NECAB1: variants seen among roughly 807,000 people sequenced by gnomAD.
The protein encoded by NECAB1 is N-terminal EF-hand calcium-binding protein 1.
Under a neutral mutation model 57.5 loss-of-function variants are expected in NECAB1, and 29 were observed. That is an observed-to-expected ratio of 0.50 (90% CI 0.38 to 0.69). The LOEUF is 0.69. NECAB1 is among the 30% of genes least tolerant of loss of function. The pLI, the probability that NECAB1 is intolerant of heterozygous loss-of-function variation, is 0.00. For missense variants in NECAB1, 372 were observed against 413.8 expected, an observed-to-expected ratio of 0.90 and a Z score of 0.88; for synonymous variants, 142 against 147.7, an observed-to-expected ratio of 0.96 and a Z score of 0.28.
chr8:90,903,809 G>C (rs182012962), intron 5 of NECAB1: 34 of 152,260 alleles, frequency 2.2e-4, no homozygotes, highest in African/African-American at 7.7e-4. Flanking sequence ...GTGAAAGAGG[G>C]AACACAAAGA....
intron 3 of NECAB1, among the ~76,000 whole-genome samples, chr8:90,829,896 G>GTT (rs1271131419): frequency 6.6e-6 from 1 of 152,064 alleles, no homozygotes; most frequent in Admixed American, 6.6e-5. Flanking sequence ...TTTGAAGACA[G>GTT]TTTTCATGTG....
intron 8 of NECAB1, among the ~76,000 whole-genome samples, chr8:90,931,355 T>C (rs1421108704): frequency 6.6e-6 from 1 of 152,338 alleles, no homozygotes; most frequent in East Asian, 1.9e-4. Context: ...TTGTTAACAC[T>C]AGTTTTGATC....
At position 90,791,980 on chromosome 8, in the gene NECAB1, C is replaced by G; in HGVS notation, c.94C>G (p.Leu32Val). Residue 32 changes from leucine to valine, a missense_variant, in exon 1 of 13, where the codon CTC becomes GTC. Leu to Val is a conservative substitution (Grantham distance 32, BLOSUM62 1). Coordinates refer to ENST00000417640, the MANE Select transcript of NECAB1 (RefSeq NM_022351.5). ...CCTGTCCAAGGGCATGTCGATCTTC[C>G]TCGACGTAAGTACAGATGGTGGGAG... ...LHLSKGMSIF[L>V]DILRRADKND... is the part of the protein sequence containing the mutation. 1 of 1,551,824 alleles carries G rather than the reference C, an allele frequency of 6.4e-7. No individual in the cohort carries two copies. Among genetic ancestry groups the G allele is most frequent in the Non-Finnish European group, 8.7e-7 (1 of 1,147,030 alleles).
At chr8:90,895,693 GC>G (rs1159195509) in intron 5 of NECAB1, among the ~76,000 whole-genome samples, 1 of 152,340 alleles carries the variant, frequency 6.6e-6, no homozygotes, top group East Asian at 1.9e-4. Context: ...ATTCTGTGAA[GC>G]CCCCTTCCTT....
At chr8:90,895,506 G>A (rs531459332) in intron 5 of NECAB1, among the ~76,000 whole-genome samples, 1 of 152,328 alleles carries the variant, frequency 6.6e-6, no homozygotes, top group African/African-American at 2.4e-5. Context: ...TGTTCAGAGT[G>A]TTGCCATGTG....
At chr8:90,890,803 G>A (rs1250313164) in intron 5 of NECAB1, among the ~76,000 whole-genome samples, 1 of 152,158 alleles carries the variant, frequency 6.6e-6, no homozygotes, top group Non-Finnish European at 1.5e-5. Context: ...TCTAGGAAAT[G>A]AAAGGAATCT....
chr8:90,857,146 A>C (rs1240597864), intron 3 of NECAB1, among the ~76,000 whole-genome samples: 1 of 152,142 alleles, frequency 6.6e-6, no homozygotes. Flanking sequence ...AAAAGGCTTT[A>C]GAACAGGAAA....
intron 8 of NECAB1, among the ~76,000 whole-genome samples, chr8:90,930,040 A>T (rs73298056): frequency 6.6e-6 from 1 of 152,214 alleles, no homozygotes; most frequent in African/African-American, 2.4e-5. Context: ...ACCAAAAAAA[A>T]TCCTTTAGAT....
chr8:90,948,688 T>C (rs1401395920), intron 10 of NECAB1, among the ~76,000 whole-genome samples: 1 of 152,228 alleles, frequency 6.6e-6, no homozygotes, highest in African/African-American at 2.4e-5. Context: ...ATCTTTATTT[T>C]TGTCTCCCAC....
At chr8:90,834,274 A>C (rs1419699292) in intron 3 of NECAB1, among the ~76,000 whole-genome samples, 1 of 152,092 alleles carries the variant, frequency 6.6e-6, no homozygotes, top group South Asian at 2.1e-4. Context: ...TTTCAAGAGC[A>C]ATTTTTTAAG....
At chr8:90,795,118 C>T (rs1169613633) in intron 1 of NECAB1, among the ~76,000 whole-genome samples, 2 of 152,200 alleles carry the variant, frequency 1.3e-5, no homozygotes, top group South Asian at 2.1e-4. Flanking sequence ...CTATCATTTC[C>T]CCAGTTGCTG....
At chr8:90,872,036 G>C in intron 3 of NECAB1, 92 bp from the exon 4 acceptor site, 1 of 949,814 alleles carries the variant, frequency 1.1e-6, no homozygotes, top group African/African-American at 1.7e-5. Flanking sequence ...TAATAATATA[G>C]CTTGGAGACT....
chr8:90,807,391 C>T (rs1415784165), intron 2 of NECAB1, among the ~76,000 whole-genome samples: 1 of 152,106 alleles, frequency 6.6e-6, no homozygotes, highest in African/African-American at 2.4e-5. Flanking sequence ...AAAATATGAC[C>T]TTGAGTAGAA....
chr8:90,941,717 GCA>G (rs1166821100), intron 10 of NECAB1, among the ~76,000 whole-genome samples: 1 of 152,088 alleles, frequency 6.6e-6, no homozygotes, highest in African/African-American at 2.4e-5. Flanking sequence ...CCTCGGTGAT[GCA>G]CAGATAGAAT....
At chr8:90,897,811 T>C (rs1809394934) in intron 5 of NECAB1, among the ~76,000 whole-genome samples, 1 of 152,174 alleles carries the variant, frequency 6.6e-6, no homozygotes, top group Non-Finnish European at 1.5e-5. Context: ...TTGTGGCAAG[T>C]GTATTGGCGT....
chr8:90,877,090 G>A (rs1808742649), intron 4 of NECAB1, among the ~76,000 whole-genome samples: 1 of 152,158 alleles, frequency 6.6e-6, no homozygotes, highest in Non-Finnish European at 1.5e-5. Context: ...TCACAAACAT[G>A]AGAAACTTGG....
intron 3 of NECAB1, among the ~76,000 whole-genome samples, chr8:90,840,533 T>C (rs1240706373): frequency 2.0e-5 from 3 of 152,278 alleles, no homozygotes; most frequent in Non-Finnish European, 4.4e-5. Flanking sequence ...ATCTTCATTC[T>C]GTTTCTGAAG....
At chr8:90,808,009 A>G (rs962389585) in intron 2 of NECAB1, among the ~76,000 whole-genome samples, 2 of 137,014 alleles carry the variant, frequency 1.5e-5, no homozygotes, top group East Asian at 3.1e-4. Context: ...TTCTATTTTC[A>G]TAGTATGACT....
chr8:90,862,914 C>T (rs1317859313), intron 3 of NECAB1, among the ~76,000 whole-genome samples: 1 of 150,392 alleles, frequency 6.6e-6, no homozygotes, highest in Non-Finnish European at 1.5e-5. Context: ...TGTTCCCACA[C>T]AATAATCTTC....
Sources: gnomAD v4.1 joint callset for allele counts (sites outside exome capture counted in the v4.1 genomes callset) on GRCh38, gnomAD v4.1.1 for gene constraint, MANE v1.5 for transcripts, NCBI Gene and HGNC (gene_info 2026-07-23, HGNC 2026-07-21) for gene names.